The following ADCY2 variants were observed in gnomAD, a reference collection of about 807,000 sequenced individuals.
The protein encoded by ADCY2 is adenylate cyclase 2, also known as adenylate cyclase type 2.
Under a neutral mutation model 125.2 loss-of-function variants are expected in ADCY2, and 31 were observed. That is an observed-to-expected ratio of 0.25 (90% confidence interval 0.19 to 0.33). ADCY2 has a LOEUF of 0.33. Among genes scored for constraint, ADCY2 ranks in the 10% least tolerant of loss-of-function variants. The pLI is 1.00. For synonymous variants in ADCY2, 512 were observed against 548.4 expected (o/e 0.93, Z 0.93); for missense variants, 904 against 1,418.2 (o/e 0.64, Z 5.82).
intron 3 of ADCY2, among the ~76,000 whole-genome samples, chr5:7,623,386 G>T (rs978068504): frequency 1.3e-5 from 2 of 152,138 alleles, no homozygotes; most frequent in Non-Finnish European, 2.9e-5. Flanking sequence ...GCATTCTTTG[G>T]TGCACTGTTC....
chr5:7,470,910 A>G (rs2126456252), intron 2 of ADCY2, among the ~76,000 whole-genome samples: 1 of 151,844 alleles, frequency 6.6e-6, no homozygotes, highest in African/African-American at 2.4e-5. Flanking sequence ...TTTGAAGATG[A>G]TCGATAGCTT....
chr5:7,754,240 A>G (rs1742916814), intron 15 of ADCY2, among the ~76,000 whole-genome samples: 1 of 152,202 alleles, frequency 6.6e-6, no homozygotes, highest in Non-Finnish European at 1.5e-5. Flanking sequence ...TTAGATTAGC[A>G]TATTTGACAA....
At chr5:7,557,143 A>G in intron 3 of ADCY2, among the ~76,000 whole-genome samples, 1 of 129,140 alleles carries the variant, frequency 7.7e-6, no homozygotes, top group Non-Finnish European at 1.8e-5. Context: ...GTTTATATAT[A>G]TATATAAACT....
intron 23 of ADCY2, among the ~76,000 whole-genome samples, 165 bp from the exon 24 acceptor site, chr5:7,820,400 G>A (rs1219470697): frequency 6.6e-6 from 1 of 152,056 alleles, no homozygotes; most frequent in East Asian, 1.9e-4. Flanking sequence ...AGGCTGAGGT[G>A]GCAGGATCGC....
At chr5:7,639,401 G>GCTAA (rs1738617694) in intron 4 of ADCY2, among the ~76,000 whole-genome samples, 1 of 152,194 alleles carries the variant, frequency 6.6e-6, no homozygotes, top group Admixed American at 6.5e-5. Flanking sequence ...GAAAGGCTTA[G>GCTAA]GACACCTGTT....
At chr5:7,776,149 T>C (rs1336494391) in intron 18 of ADCY2, among the ~76,000 whole-genome samples, 4 of 150,282 alleles carry the variant, frequency 2.7e-5, no homozygotes, top group Non-Finnish European at 5.9e-5. Flanking sequence ...TTTGCCTTGC[T>C]TATTGATGCT....
At chr5:7,470,085 T>G (rs540890710) in intron 2 of ADCY2, among the ~76,000 whole-genome samples, 26 of 152,008 alleles carry the variant, frequency 1.7e-4, no homozygotes, top group African/African-American at 6.0e-4. Context: ...TTCACTTATT[T>G]TGATTAGTAT....
chr5:7,798,685 T>A (rs1218294351), intron 20 of ADCY2: 2 of 150,698 alleles, frequency 1.3e-5, no homozygotes, highest in Non-Finnish European at 3.0e-5. Flanking sequence ...GTTCACGCCA[T>A]TCTCCTGCCT....
intron 3 of ADCY2, among the ~76,000 whole-genome samples, chr5:7,602,406 C>T (rs1374538368): frequency 1.3e-5 from 2 of 152,150 alleles, no homozygotes; most frequent in Non-Finnish European, 2.9e-5. Flanking sequence ...CCACCAGGTA[C>T]ACTCCAGGAT....
At chr5:7,526,793 A>G (rs554588307) in intron 3 of ADCY2, among the ~76,000 whole-genome samples, 40 of 152,238 alleles carry the variant, frequency 2.6e-4, no homozygotes, top group Non-Finnish European at 3.8e-4. Flanking sequence ...TCGAAGAAAC[A>G]TTTTTCTGGA....
At chr5:7,819,900 C>T (rs1484488435) in intron 23 of ADCY2, among the ~76,000 whole-genome samples, 3 of 152,188 alleles carry the variant, frequency 2.0e-5, no homozygotes, top group Non-Finnish European at 4.4e-5. Flanking sequence ...AATAATCAGT[C>T]CAGGCTCTTC....
At chr5:7,781,898 C>A (rs1335774478) in intron 18 of ADCY2, among the ~76,000 whole-genome samples, 8 of 152,082 alleles carry the variant, frequency 5.3e-5, no homozygotes, top group Admixed American at 5.2e-4. Flanking sequence ...TCACTGAAAC[C>A]ATAGGGGCCC....
At chr5:7,768,104 G>A (rs990345504) in intron 17 of ADCY2, among the ~76,000 whole-genome samples, 16 of 152,140 alleles carry the variant, frequency 1.1e-4, no homozygotes, top group African/African-American at 3.6e-4. Flanking sequence ...TAGGTCATGG[G>A]CAAAATGACC....
chr5:7,786,193 A>G (rs1049640833), intron 19 of ADCY2, among the ~76,000 whole-genome samples: 2 of 152,248 alleles, frequency 1.3e-5, no homozygotes, highest in Non-Finnish European at 2.9e-5. Context: ...GGGAAATACC[A>G]AGGTGAGCCA....
chr5:7,508,013 A>G (rs1423862844), intron 2 of ADCY2, among the ~76,000 whole-genome samples: 1 of 151,130 alleles, frequency 6.6e-6, no homozygotes, highest in Non-Finnish European at 1.5e-5. Flanking sequence ...TTTTTTTTCT[A>G]TATACTGAGA....
chr5:7,706,593 C>G (rs1741274141), intron 7 of ADCY2, 151 bp from the exon 8 acceptor site: 1 of 828,452 alleles, frequency 1.2e-6, no homozygotes, highest in Non-Finnish European at 1.9e-6. Context: ...CCCTTCTTAG[C>G]TCAGAGGAGT....
chr5:7,709,461 T>C lies in ADCY2; in HGVS notation c.1578+74T>C. The stretch of plus-strand genomic sequence containing the variant: ...TTCCCAAAACCAAAGGCTGGGCATC[T>C]CCTGCCAAAATAACTCCTTTCTGTA... On this transcript the variant is annotated intron_variant, in intron 10 of 24. Coordinates refer to ENST00000338316, the MANE Select transcript of ADCY2 (RefSeq NM_020546.3). This position sits in a 1 kb window ranked among gnomAD's most constrained non-coding sequence, Gnocchi z 4.4. 6.9e-7 allele frequency: 1 copy of C among 1,445,020 alleles called. No individual in the cohort carries two copies. The highest frequency in any genetic ancestry group is 1.8e-4 in the Middle Eastern group (1 of 5,482). 89.5% of individuals were successfully genotyped at this position (1,445,020 alleles called of 1,614,324 possible). A position where few individuals can be genotyped will look rare whatever the true frequency, so the allele number is the denominator to read the frequency against.
At chr5:7,745,900 T>TG (rs762236474) in intron 15 of ADCY2, among the ~76,000 whole-genome samples, 4 of 152,222 alleles carry the variant, frequency 2.6e-5, no homozygotes, top group Non-Finnish European at 5.9e-5. Flanking sequence ...AACATAGAGC[T>TG]GGGGGCAGAA....
rs199745252 is a variant in ADCY2, at chr5:7,773,069, C to G, written c.2352C>G (p.Val784=). 3.1e-6 allele frequency: 5 copies of G among 1,614,020 alleles called. No homozygotes were observed. Among genetic ancestry groups the G allele is most frequent in the Non-Finnish European group, 8.5e-7 (1 of 1,180,014 alleles). Residue 784 remains valine (V), a synonymous_variant, in exon 18 of 25, where the codon GTC becomes GTG. Transcript: ENST00000338316. ...NTILLHTHAH[V]LGDYSQVLFE... The stretch of plus-strand genomic sequence containing the variant: ...TCCTACTCCACACCCACGCCCACGT[C>G]CTGGGCGACTACAGCCAGGTCTTAT...
Sources: gnomAD v4.1 joint callset for allele counts (sites outside exome capture counted in the v4.1 genomes callset) on GRCh38, gnomAD v4.1.1 for gene constraint, Gnocchi (gnomAD v3.1) non-coding constraint, MANE v1.5 for transcripts, NCBI Gene and HGNC (gene_info 2026-07-23, HGNC 2026-07-21) for gene names.